ARHGAP20: variants seen among roughly 807,000 people sequenced by gnomAD.
The protein encoded by ARHGAP20 is Rho GTPase activating protein 20.
In ARHGAP20, 34 loss-of-function variants were observed where a neutral mutation model predicts 73.7. The ratio of observed to expected loss-of-function variants is 0.46; its 90% CI spans 0.35 to 0.61. The LOEUF (loss-of-function observed/expected upper bound fraction) is 0.61, where lower values mean the gene tolerates loss of function less well. Among genes scored for constraint, ARHGAP20 ranks in the 20% least tolerant of loss-of-function variants. The pLI, the probability that ARHGAP20 is intolerant of heterozygous loss-of-function variation, is 0.00. For missense variants in ARHGAP20, 1,314 were observed against 1,420.9 expected (o/e 0.92, Z 1.21); for synonymous variants, 523 against 518.2 (o/e 1.01, Z -0.13).
At position 110,589,843 on chromosome 11, in the gene ARHGAP20, G is replaced by T. The variant is rs746709736; in HGVS notation, c.1305+805C>A. On this transcript the variant is annotated intron_variant, in intron 11 of 14. Coordinates refer to ENST00000683387, the MANE Select transcript of ARHGAP20 (RefSeq NM_001384657.1). ...CTTTTAAAGTAAAAGGCATTAGGCT[G>T]GGTGCGGTGGCTCACGCCTATTATC... Among the ~76,000 whole-genome samples the T allele has an allele frequency of 6.4e-4, 97 of 152,344 alleles. 1 individual carries two copies. Among genetic ancestry groups the T allele is most frequent in the African/African-American group, 2.2e-3 (93 of 41,598 alleles).
intron 2 of ARHGAP20, among the ~76,000 whole-genome samples, chr11:110,655,176 T>C (rs1949438070): frequency 6.6e-6 from 1 of 152,204 alleles, no homozygotes; most frequent in Non-Finnish European, 1.5e-5. Context: ...CACAACTTAA[T>C]GTGCCCAAAA....
chr11:110,606,251 C>G (rs1948226635), intron 9 of ARHGAP20, among the ~76,000 whole-genome samples: 1 of 152,142 alleles, frequency 6.6e-6, no homozygotes, highest in Non-Finnish European at 1.5e-5. Context: ...GAGTGTATTA[C>G]AGTACAAAGA....
rs1947803051 is a variant in ARHGAP20 at position 110,590,685 on chromosome 11, T to C, written c.1268A>G (p.Asp423Gly). The stretch of plus-strand genomic sequence containing the variant: ...TGCTATCACAAAAATAGATTCACAG[T>C]CTAGGTGTACTTCGACTCCAGAATT... Reference protein sequence around the residue: ...KLNSGVEVHLDCESIFVIASV... With the variant: ...KLNSGVEVHLGCESIFVIASV... The change falls in exon 11 of 15, where the codon GAC becomes GGC. Residue 423 changes from aspartate to glycine, a missense_variant. By Grantham distance (94) the Asp-to-Gly change is moderately conservative. This residue lies in a region of ARHGAP20 where 230 missense variants were observed against 317.6 expected (regional missense o/e 0.72). Coordinates refer to ENST00000683387, the MANE Select transcript of ARHGAP20 (RefSeq NM_001384657.1). The C allele has an allele frequency of 3.7e-6, 6 of 1,614,120 alleles. No individual in the cohort carries two copies. Among genetic ancestry groups the C allele is most frequent in the Middle Eastern group, 1.7e-4 (1 of 6,058 alleles).
In ARHGAP20 at chr11:110,578,582, A is replaced by G. The variant is rs1947347433; in HGVS notation, c.*788T>C. 1.0e-6 allele frequency: 1 copy of G among 985,434 alleles called. No individual in the cohort carries two copies. The highest frequency in any genetic ancestry group is 1.2e-6 in the Non-Finnish European group (1 of 829,934). The allele number at this position is 985,434 out of a possible 1,614,324, so 61.0% of individuals were successfully genotyped here. A position where few individuals can be genotyped will look rare whatever the true frequency, so the allele number is the denominator to read the frequency against. ...ATAGAAGAAGTTGCATTTCTGAAGA[A>G]TGTTCCTAGGCAGAGATACCTTTGA... On this transcript the variant is annotated 3_prime_UTR_variant, in exon 15 of 15. Transcript: ENST00000683387.
intron 2 of ARHGAP20, among the ~76,000 whole-genome samples, chr11:110,663,094 T>C (rs929426243): frequency 6.6e-6 from 1 of 151,762 alleles, no homozygotes; most frequent in East Asian, 1.9e-4. Flanking sequence ...ATGCCTAAAT[T>C]AGAAAAGACC....
At position 110,581,051 on chromosome 11, in the gene ARHGAP20, C is replaced by T. The variant is rs17853925; in HGVS notation, c.1895G>A (p.Gly632Asp). 6.2e-7 allele frequency: 1 copy of T among 1,614,134 alleles called. No individual in the cohort carries two copies. Among genetic ancestry groups the T allele is most frequent in the African/African-American group, 1.3e-5 (1 of 75,014 alleles). The change falls in exon 15 of 15, where the codon GGC (glycine) becomes GAC (aspartate). Residue 632 changes from glycine to aspartate, a missense_variant. Gly to Asp is a moderately conservative substitution (Grantham distance 94). Transcript: ENST00000683387. ...GTCAAAGTCGCTTAGGGTTAAAAGG[C>T]CTTCCACCTCGGGCTGGTCAAGATC... ...DYDLDQPEVE[G>D]LLTLSDFDLA...
chr11:110,646,908 G>A (rs1291019934), intron 2 of ARHGAP20, among the ~76,000 whole-genome samples: 3 of 151,918 alleles, frequency 2.0e-5, no homozygotes, highest in Admixed American at 6.6e-5. Flanking sequence ...TGAATAGACT[G>A]GAAGAAGGCA....
At chr11:110,643,339 A>C (rs1280035220) in intron 2 of ARHGAP20, among the ~76,000 whole-genome samples, 1 of 151,940 alleles carries the variant, frequency 6.6e-6, no homozygotes, top group Non-Finnish European at 1.5e-5. Context: ...TTGTTATTCT[A>C]GTTCCTCTAG....
At chr11:110,642,216 G>C (rs948330220) in intron 2 of ARHGAP20, among the ~76,000 whole-genome samples, 5 of 152,074 alleles carry the variant, frequency 3.3e-5, no homozygotes, top group African/African-American at 1.2e-4. Context: ...TTTCTAGGTA[G>C]AGAATCATAT....
chr11:110,686,383 C>T (rs1345306139), intron 2 of ARHGAP20, among the ~76,000 whole-genome samples: 2 of 152,030 alleles, frequency 1.3e-5, no homozygotes, highest in South Asian at 4.1e-4. Flanking sequence ...AAATCTGAAT[C>T]ACTTCTGAAC....
rs188103515 is a variant in ARHGAP20, at chr11:110,578,801, G to C, written c.*569C>G. 613 of 985,750 alleles carry C rather than the reference G, an allele frequency of 6.2e-4. 5 individuals carry two copies. The African/African-American group carries it at 1.0e-2, about 16-fold the overall frequency. 61.1% of individuals were successfully genotyped at this position (985,750 alleles called of 1,614,324 possible). ...AGCTGTAGCAATGGGCTGGTTCTTG[G>C]AATGATTCTGTAAGGACACGTGATT... On this transcript the variant is annotated 3_prime_UTR_variant, in exon 15 of 15. Transcript: ENST00000683387.
At chr11:110,615,657 T>G in intron 4 of ARHGAP20, 63 bp from the exon 5 acceptor site, 1 of 1,433,496 alleles carries the variant, frequency 7.0e-7, no homozygotes, top group Admixed American at 1.8e-5. Flanking sequence ...CTAACAGATT[T>G]AGGATTGTCA....
rs1591314449 is a variant in ARHGAP20, at chr11:110,611,493, T to G, written c.631-107A>C. The G allele has an allele frequency of 1.4e-5, 8 of 560,048 alleles. No homozygotes were observed. The East Asian group carries it at 2.7e-4, about 19-fold the overall frequency. 34.7% of individuals were successfully genotyped at this position (560,048 alleles called of 1,614,324 possible). On this transcript the variant is annotated intron_variant, in intron 6 of 14. Transcript: ENST00000683387. ...TCGAAAGGCAAATATTGATTTCAAA[T>G]GTGGACAAAGTCAAGCATAAGATTT...
chr11:110,612,292 G>A (rs1948384863), intron 6 of ARHGAP20, among the ~76,000 whole-genome samples: 1 of 151,700 alleles, frequency 6.6e-6, no homozygotes, highest in Non-Finnish European at 1.5e-5. Flanking sequence ...GCTGGGCGTA[G>A]TGGTGGGGGC....
chr11:110,590,127 A>AG (rs1266462774), intron 11 of ARHGAP20, among the ~76,000 whole-genome samples: 1 of 152,076 alleles, frequency 6.6e-6, no homozygotes, highest in East Asian at 1.9e-4. Context: ...CCTCAAAAAA[A>AG]AAAAAAAAAA....
At chr11:110,652,491 G>A (rs762381372) in intron 2 of ARHGAP20, among the ~76,000 whole-genome samples, 12 of 152,024 alleles carry the variant, frequency 7.9e-5, no homozygotes, top group Admixed American at 5.9e-4. Flanking sequence ...AACCTCCTTC[G>A]TCTCAGCCCT....
At chr11:110,616,281 ATTTCACTATTACG>A (rs1396945204) in intron 4 of ARHGAP20, among the ~76,000 whole-genome samples, 24 of 152,296 alleles carry the variant, frequency 1.6e-4, no homozygotes, top group South Asian at 6.2e-4. Flanking sequence ...TTTTATGCTG[ATTTCACTATTACG>A]TTTAATTCTT....
At chr11:110,688,279 C>T (rs1314535878) in intron 2 of ARHGAP20, among the ~76,000 whole-genome samples, 2 of 151,578 alleles carry the variant, frequency 1.3e-5, no homozygotes, top group African/African-American at 4.9e-5. Context: ...ACCCCCTCCT[C>T]CCCCCGCCCC....
chr11:110,579,970 A>G lies in ARHGAP20; in HGVS notation c.2976T>C (p.Phe992=), dbSNP rs376924148. ...QRKREDLSPD[F]SNASHVSGMP... is the part of the protein sequence containing the mutation. The stretch of plus-strand genomic sequence containing the variant: ...TTCCGGAAACATGGCTGGCATTGCT[A>G]AAGTCAGGAGAAAGGTCTTCCCGTT... Residue 992 remains phenylalanine (F), a synonymous_variant, in exon 15 of 15, where the codon TTT becomes TTC. Transcript: ENST00000683387. 17 of 1,614,104 alleles carry G rather than the reference A, an allele frequency of 1.1e-5. No individual in the cohort carries two copies. Among genetic ancestry groups the G allele is most frequent in the African/African-American group, 8.0e-5 (6 of 74,938 alleles).
Sources: allele counts gnomAD v4.1 joint callset (sites outside exome capture counted in the v4.1 genomes callset), GRCh38; gene constraint gnomAD v4.1.1; regional missense constraint gnomAD v4.1.1; transcripts MANE v1.5; gene names NCBI Gene and HGNC (gene_info 2026-07-23, HGNC 2026-07-21).